The following ZNF423 variants were observed in gnomAD, a reference collection of about 807,000 sequenced individuals.
ZNF423 encodes Ebf-associated zinc finger protein.
A neutral mutation model predicts 95.8 loss-of-function variants in ZNF423; 12 were observed. The observed-to-expected ratio is 0.13, with a 90% CI of 0.08 to 0.20. The LOEUF is 0.20. Among genes scored for constraint, ZNF423 ranks in the 10% least tolerant of loss-of-function variants. The probability of loss-of-function intolerance (pLI) is 1.00; values close to 1 mark genes in which losing one functional copy is unlikely to be tolerated. For missense variants in ZNF423, 1,316 were observed against 1,737.1 expected (o/e 0.76, Z 4.31); for synonymous variants, 749 against 711.9 (o/e 1.05, Z -0.83).
chr16:49,821,746 G>A lies in ZNF423; in HGVS notation c.41-32200C>T, dbSNP rs139727509. 5.2e-4 allele frequency among the ~76,000 whole-genome samples: 79 copies of A among 152,198 alleles called. 1 individual carries two copies. In the East Asian group the frequency reaches 0.014, roughly 28 times the overall value. Reference sequence around the variant, plus strand: ...TCTTTTTCCCTCCCCCGGTGTGTGCGAAGGCCGAGCCTGGCTGTCACTCAG... The same window carrying A: ...TCTTTTTCCCTCCCCCGGTGTGTGCAAAGGCCGAGCCTGGCTGTCACTCAG... On this transcript the variant is annotated intron_variant, in intron 1 of 7. Coordinates refer to ENST00000563137, the MANE Select transcript of ZNF423 (RefSeq NM_001379286.1).
chr16:49,831,433 C>G (rs943539347), intron 1 of ZNF423, among the ~76,000 whole-genome samples: 2 of 152,158 alleles, frequency 1.3e-5, no homozygotes, highest in Admixed American at 6.5e-5. Context: ...CAATTATTTA[C>G]CAGGTTTGTG....
intron 5 of ZNF423, among the ~76,000 whole-genome samples, chr16:49,537,842 CTTG>C (rs1468982320): frequency 6.6e-6 from 1 of 152,208 alleles, no homozygotes; most frequent in Non-Finnish European, 1.5e-5. Flanking sequence ...CTCACATTAG[CTTG>C]TTGATGTGTT....
intron 1 of ZNF423, among the ~76,000 whole-genome samples, chr16:49,797,599 T>TG (rs2034518837): frequency 6.6e-6 from 1 of 152,224 alleles, no homozygotes; most frequent in South Asian, 2.1e-4. Context: ...CAAGGCTCCC[T>TG]GCAGCTAAAG....
intron 1 of ZNF423, among the ~76,000 whole-genome samples, chr16:49,848,508 G>A (rs997618629): frequency 6.0e-5 from 9 of 150,728 alleles, no homozygotes; most frequent in African/African-American, 2.2e-4. Context: ...GCATAACCCA[G>A]GCCTCTGTCT....
upstream of ZNF423, among the ~76,000 whole-genome samples, chr16:49,856,433 A>C (rs2035371526): frequency 6.7e-6 from 1 of 148,780 alleles, no homozygotes; most frequent in African/African-American, 2.5e-5. Context: ...CCAGGAAAAA[A>C]AAAAAAAAGA....
chr16:49,502,326 G>A (rs1967441803), intron 7 of ZNF423, among the ~76,000 whole-genome samples: 1 of 152,200 alleles, frequency 6.6e-6, no homozygotes, highest in Non-Finnish European at 1.5e-5. Flanking sequence ...AGAAGATGAA[G>A]TTCTGTTAAG....
intron 3 of ZNF423, among the ~76,000 whole-genome samples, chr16:49,714,764 A>G (rs1240359238): frequency 6.6e-6 from 1 of 152,102 alleles, no homozygotes; most frequent in Non-Finnish European, 1.5e-5. Context: ...CTACAAAAAA[A>G]AAATTAATTT....
chr16:49,751,876 T>C (rs186863850), intron 2 of ZNF423, among the ~76,000 whole-genome samples: 9 of 152,300 alleles, frequency 5.9e-5, no homozygotes, highest in African/African-American at 2.2e-4. Flanking sequence ...TCTGTTTTTC[T>C]TCCTTCCAAG....
At chr16:49,642,162 A>G (rs957867632) in intron 3 of ZNF423, among the ~76,000 whole-genome samples, 5 of 152,186 alleles carry the variant, frequency 3.3e-5, no homozygotes, top group African/African-American at 1.2e-4. Flanking sequence ...ATCGCAATTA[A>G]TTTCTATTCA....
intron 5 of ZNF423, among the ~76,000 whole-genome samples, chr16:49,617,326 C>G (rs988941035): frequency 2.0e-4 from 31 of 152,216 alleles, no homozygotes. Flanking sequence ...CCACTGGCCA[C>G]AGGACCCTTG....
At chr16:49,678,251 C>G (rs1298237987) in intron 3 of ZNF423, among the ~76,000 whole-genome samples, 2 of 151,898 alleles carry the variant, frequency 1.3e-5, no homozygotes, top group African/African-American at 4.8e-5. Flanking sequence ...AGCTACTATG[C>G]TGTTAGGACA....
At chr16:49,788,163 GAA>G (rs2034349202) in intron 2 of ZNF423, among the ~76,000 whole-genome samples, 1 of 152,152 alleles carries the variant, frequency 6.6e-6, no homozygotes, top group Non-Finnish European at 1.5e-5. Flanking sequence ...CTCTATGGAG[GAA>G]GCCCCTGTCA....
intron 3 of ZNF423, among the ~76,000 whole-genome samples, chr16:49,689,901 C>T (rs1309212049): frequency 1.3e-5 from 2 of 152,116 alleles, no homozygotes; most frequent in Non-Finnish European, 2.9e-5. Flanking sequence ...AGGCAGTGAC[C>T]CAGCTCTGCC....
intron 5 of ZNF423, among the ~76,000 whole-genome samples, chr16:49,574,944 G>A (rs998804389): frequency 1.3e-5 from 2 of 152,112 alleles, no homozygotes; most frequent in African/African-American, 2.4e-5. Context: ...CTTCCCACCC[G>A]ACTTGCTAAT....
intron 3 of ZNF423, among the ~76,000 whole-genome samples, chr16:49,641,891 C>T (rs1054859136): frequency 5.9e-5 from 9 of 152,180 alleles, no homozygotes; most frequent in African/African-American, 2.2e-4. Context: ...ATCCTTCTGA[C>T]ATGAGGGAAA....
intron 3 of ZNF423, chr16:49,708,328 C>T (rs563143702): frequency 6.6e-6 from 1 of 152,042 alleles, no homozygotes; most frequent in African/African-American, 2.4e-5. Flanking sequence ...TAGAGTCTTA[C>T]TCTGCCCCCC....
intron 1 of ZNF423, among the ~76,000 whole-genome samples, chr16:49,839,751 G>A (rs1252412268): frequency 6.6e-6 from 1 of 152,102 alleles, no homozygotes; most frequent in African/African-American, 2.4e-5. Context: ...CCGGCTCGCC[G>A]CCCTCCCAGG....
intron 5 of ZNF423, among the ~76,000 whole-genome samples, chr16:49,530,484 C>T (rs958560581): frequency 6.6e-6 from 1 of 152,214 alleles, no homozygotes; most frequent in East Asian, 1.9e-4. Context: ...GTAACATAAA[C>T]TCCATGAGGG....
At chr16:49,708,964 G>C (rs1185158408) in intron 3 of ZNF423, among the ~76,000 whole-genome samples, 1 of 151,994 alleles carries the variant, frequency 6.6e-6, no homozygotes, top group Non-Finnish European at 1.5e-5. Context: ...TTGCTCTTCA[G>C]TGAAACAGAA....
Sources: allele counts gnomAD v4.1 joint callset (sites outside exome capture counted in the v4.1 genomes callset), GRCh38; gene constraint gnomAD v4.1.1; transcripts MANE v1.5; gene names NCBI Gene and HGNC (gene_info 2026-07-23, HGNC 2026-07-21).